The following CFAP96 variants were observed in gnomAD, a reference collection of about 807,000 sequenced individuals.
CFAP96 encodes the protein cilia-and flagella-associated protein 96.
chr4:185,431,071 A>G, the CFAP96 span, among the ~76,000 whole-genome samples: 2 of 152,000 alleles, frequency 1.3e-5, no homozygotes, highest in African/African-American at 4.8e-5. Flanking sequence ...TTAACCAGCC[A>G]TGGTGGTGCA....
chr4:185,420,983 T>C, the CFAP96 span, among the ~76,000 whole-genome samples: 1 of 152,222 alleles, frequency 6.6e-6, no homozygotes, highest in East Asian at 1.9e-4. Flanking sequence ...TTATATCAAG[T>C]TGTGAAATGT....
At chr4:185,420,283 T>C in the CFAP96 span, among the ~76,000 whole-genome samples, 3 of 152,216 alleles carry the variant, frequency 2.0e-5, no homozygotes, top group Admixed American at 2.0e-4. Context: ...AAAATATGTT[T>C]GAATATTCAA....
At chr4:185,441,118 T>A in the CFAP96 span, among the ~76,000 whole-genome samples, 3 of 152,066 alleles carry the variant, frequency 2.0e-5, no homozygotes, top group Non-Finnish European at 4.4e-5. Flanking sequence ...GCCTGGTGAA[T>A]TCATAATGAA....
At chr4:185,436,424 A>C in the CFAP96 span, 1 of 1,249,902 alleles carries the variant, frequency 8.0e-7, no homozygotes, top group Non-Finnish European at 1.1e-6. Context: ...TTAATAATTC[A>C]CTTGAGGCCG....
At chr4:185,425,716 A>G in the CFAP96 span, 72,630 of 1,218,634 alleles carry the variant, frequency 0.06, 2,568 homozygotes, top group South Asian at 0.093. Flanking sequence ...GAGACAGGCG[A>G]ACTGGAGAGC....
chr4:185,435,529 C>T, the CFAP96 span, among the ~76,000 whole-genome samples: 2 of 152,028 alleles, frequency 1.3e-5, no homozygotes, highest in East Asian at 3.8e-4. Context: ...ATACTGTGTG[C>T]CCAGAAAATT....
chr4:185,408,511 T>C, the CFAP96 span: 3 of 1,423,166 alleles, frequency 2.1e-6, no homozygotes, highest in Non-Finnish European at 1.9e-6. Flanking sequence ...TCCCGAATTA[T>C]GTTTAATGTT....
chr4:185,417,361 T>G, the CFAP96 span, among the ~76,000 whole-genome samples: 1 of 152,218 alleles, frequency 6.6e-6, no homozygotes, highest in Admixed American at 6.5e-5. Context: ...CATCTGTAAA[T>G]CTAACAGCTC....
the CFAP96 span, among the ~76,000 whole-genome samples, chr4:185,432,967 T>G: frequency 2.8e-4 from 43 of 152,050 alleles, no homozygotes; most frequent in African/African-American, 1.0e-3. Context: ...CTCAGCTCAG[T>G]GCAACCTCTG....
chr4:185,413,370 A>T, the CFAP96 span, among the ~76,000 whole-genome samples: 1 of 152,202 alleles, frequency 6.6e-6, no homozygotes, highest in Non-Finnish European at 1.5e-5. Flanking sequence ...CCTGAGTGAC[A>T]GAGCGAGACT....
the CFAP96 span, among the ~76,000 whole-genome samples, chr4:185,444,771 A>G: frequency 6.6e-6 from 1 of 152,130 alleles, no homozygotes; most frequent in Non-Finnish European, 1.5e-5. Flanking sequence ...TTATAGAGAG[A>G]TTTTGGATTA....
At chr4:185,438,504 T>C in the CFAP96 span, among the ~76,000 whole-genome samples, 1 of 152,218 alleles carries the variant, frequency 6.6e-6, no homozygotes, top group Admixed American at 6.5e-5. Flanking sequence ...CTTAATGCCC[T>C]TTTCTGTTAA....
the CFAP96 span, among the ~76,000 whole-genome samples, chr4:185,431,605 C>T: frequency 6.6e-6 from 1 of 152,236 alleles, no homozygotes; most frequent in East Asian, 1.9e-4. Context: ...ACACCCTTCT[C>T]TTCGACCTGC....
At chr4:185,416,006 G>A in the CFAP96 span, 4 of 623,528 alleles carry the variant, frequency 6.4e-6, no homozygotes, top group Admixed American at 3.4e-5. Flanking sequence ...TGAAAAGGGG[G>A]AAAGAGTAGA....
the CFAP96 span, among the ~76,000 whole-genome samples, chr4:185,441,061 C>G: frequency 2.0e-5 from 3 of 151,894 alleles, no homozygotes; most frequent in Non-Finnish European, 4.4e-5. Flanking sequence ...AGCAATACTC[C>G]TGCATCAGCC....
chr4:185,415,757 T>G, the CFAP96 span: 1 of 1,613,736 alleles, frequency 6.2e-7, no homozygotes. Context: ...CATCGACAGG[T>G]AAAGTCATAT....
the CFAP96 span, chr4:185,440,536 A>G: frequency 2.7e-6 from 4 of 1,493,666 alleles, no homozygotes; most frequent in African/African-American, 1.4e-5. Context: ...TCTTTAATTC[A>G]CAGAAAGCGA....
At chr4:185,413,931 C>A in the CFAP96 span, 2 of 1,440,502 alleles carry the variant, frequency 1.4e-6, no homozygotes, top group South Asian at 1.4e-5. Context: ...GATTCCTAGT[C>A]AATAAATAAA....
chr4:185,446,530 G>T, the CFAP96 span, among the ~76,000 whole-genome samples: 1 of 151,980 alleles, frequency 6.6e-6, no homozygotes, highest in African/African-American at 2.4e-5. Flanking sequence ...TTTTCTGACT[G>T]AATTATTTTG....
Sources: gnomAD v4.1 joint callset for allele counts (sites outside exome capture counted in the v4.1 genomes callset) on GRCh38, gnomAD v4.1.1 for gene constraint, MANE v1.5 for transcripts, NCBI Gene and HGNC (gene_info 2026-07-23, HGNC 2026-07-21) for gene names.